MMRN2: variants seen among roughly 807,000 people sequenced by gnomAD.
MMRN2 encodes multimerin 2, also known as multimerin-2.
MMRN2 carries 53 observed loss-of-function variants against 68.8 expected under a neutral mutation model. The observed-to-expected ratio is 0.77, with a 90% CI of 0.62 to 0.97. MMRN2 has a LOEUF of 0.97. MMRN2 is among the 50% of genes least tolerant of loss of function. The pLI is 0.00. For synonymous variants in MMRN2, 564 were observed against 551.6 expected (o/e 1.02, Z -0.32); for missense variants, 1,266 against 1,259.5 (o/e 1.01, Z -0.08).
chr10:86,957,342 A>G (rs1844251362), intron 1 of MMRN2, 36 bp downstream of exon 1: 1 of 1,607,854 alleles, frequency 6.2e-7, no homozygotes, highest in South Asian at 1.1e-5. Context: ...CTCAGATCCT[A>G]CTCCATGACC....
rs2133672371 is a variant in MMRN2 at position 86,937,042 on chromosome 10, T to C, written c.2551A>G (p.Ile851Val). ...TGTTCAGGGAAGTAGCTGCTGCCAATGTTGATGTATGTGGTGTTGAACTTC... is the reference window on the plus strand; with the variant it reads ...TGTTCAGGGAAGTAGCTGCTGCCAACGTTGATGTATGTGGTGTTGAACTTC... Reference protein sequence around the residue: ...TVKFNTTYINIGSSYFPEHGY... With the variant: ...TVKFNTTYINVGSSYFPEHGY... Residue 851 changes from isoleucine to valine, a missense_variant, in exon 7 of 7, where the codon ATT becomes GTT. Transcript: ENST00000372027. 1.2e-6 allele frequency: 2 copies of C among 1,614,172 alleles called. No homozygotes were observed. The highest frequency in any genetic ancestry group is 1.7e-6 in the Non-Finnish European group (2 of 1,180,028).
chr10:86,946,758 T>C (rs1008686736), intron 1 of MMRN2, among the ~76,000 whole-genome samples: 3 of 152,178 alleles, frequency 2.0e-5, no homozygotes, highest in African/African-American at 7.2e-5. Flanking sequence ...CAGCACCTCT[T>C]GGGTGCCGGG....
chr10:86,943,466 G>A lies in MMRN2; in HGVS notation c.1318C>T (p.His440Tyr), dbSNP rs773511262. ...ERQVEELQVN[H>Y]TALRELRVIL... ...ACGCGCAGCTCACGGAGCGCCGTGT[G>A]GTTCACCTGCAGCTCCTCCACCTGC... The change falls in exon 6 of 7, where the codon CAC becomes TAC. Residue 440 changes from histidine to tyrosine, a missense_variant. By Grantham distance (83) the His-to-Tyr change is moderately conservative. Transcript: ENST00000372027. The surrounding 1 kb of genome is among the most constrained non-coding windows in gnomAD (Gnocchi z 4.2). 33 of 1,614,162 alleles carry A rather than the reference G, an allele frequency of 2.0e-5. No homozygotes were observed. In the South Asian group the frequency reaches 3.6e-4, roughly 18 times the overall value.
In MMRN2 at chr10:86,943,453, C is replaced by A. The variant is rs544108974; in HGVS notation, c.1331G>T (p.Arg444Leu). 3 of 1,614,102 alleles carry A rather than the reference C, an allele frequency of 1.9e-6. No homozygotes were observed. Among genetic ancestry groups the A allele is most frequent in the South Asian group, 1.1e-5 (1 of 91,084 alleles). The change falls in exon 6 of 7, where the codon CGT becomes CTT. Residue 444 changes from arginine (R) to leucine (L), a missense_variant. By Grantham distance (102) the Arg-to-Leu change is moderately radical (BLOSUM62 -2). Coordinates refer to ENST00000372027, the MANE Select transcript of MMRN2 (RefSeq NM_024756.3). The surrounding 1 kb of genome is among the most constrained non-coding windows in gnomAD (Gnocchi z 4.2). ...EELQVNHTAL[R>L]ELRVILMEKS... Reference sequence around the variant, plus strand: ...CTCCATCAGGATCACGCGCAGCTCACGGAGCGCCGTGTGGTTCACCTGCAG... The same window carrying A: ...CTCCATCAGGATCACGCGCAGCTCAAGGAGCGCCGTGTGGTTCACCTGCAG...
At chr10:86,957,315 C>T (rs1844250837) in intron 1 of MMRN2, 63 bp downstream of exon 1, 1 of 1,563,434 alleles carries the variant, frequency 6.4e-7, no homozygotes, top group South Asian at 1.1e-5. Context: ...AGAGGCTCTG[C>T]TCTAGCTGAG....
At chr10:86,938,909 T>C (rs1049443024) in intron 6 of MMRN2, among the ~76,000 whole-genome samples, 3 of 152,182 alleles carry the variant, frequency 2.0e-5, no homozygotes, top group African/African-American at 7.2e-5. Flanking sequence ...ACGCCTGTAA[T>C]CCCAGCACTT....
In MMRN2 at chr10:86,937,133, A is replaced by G. The variant is rs1166052935; in HGVS notation, c.2468-8T>C. 23 of 1,613,414 alleles carry G rather than the reference A, an allele frequency of 1.4e-5. No homozygotes were observed. The highest frequency in any genetic ancestry group is 2.7e-5 in the African/African-American group (2 of 75,050). The stretch of plus-strand genomic sequence containing the variant: ...AGAAGGCCACAGGGGATCCTGAAAC[A>G]TAACAGGACAGTGCTTAGTGATTCA... On this transcript the variant is annotated splice_region_variant and splice_polypyrimidine_tract_variant and intron_variant, in intron 6 of 6. Transcript: ENST00000372027.
At position 86,936,387 on chromosome 10, in the gene MMRN2, T is replaced by A; in HGVS notation, c.*356A>T. The A allele has an allele frequency of 2.2e-6, 1 of 451,422 alleles. No homozygotes were observed. The highest frequency in any genetic ancestry group is 3.9e-6 in the Non-Finnish European group (1 of 257,684). The allele number at this position is 451,422 out of a possible 1,614,324, so 28.0% of individuals were successfully genotyped here. A position where few individuals can be genotyped will look rare whatever the true frequency, so the allele number is the denominator to read the frequency against. ...GAGGAAGCAAGAGAAAAGTTTAAAG[T>A]GTTGTACAGAAGTTTCCAACCACAG... On this transcript the variant is annotated 3_prime_UTR_variant, in exon 7 of 7. Transcript: ENST00000372027.
Position 86,935,666 on chromosome 10 carries a change from A to C in MMRN2, c.*1077T>G, listed in dbSNP as rs1023336311. ...ACAAGAATTACGATGGTCCTAAGAT[A>C]CTGGAGGAAGTAAAAAAGTTGAAGG... On this transcript the variant is annotated 3_prime_UTR_variant, in exon 7 of 7. Coordinates refer to ENST00000372027, the MANE Select transcript of MMRN2 (RefSeq NM_024756.3). 6.6e-6 allele frequency: 1 copy of C among 152,180 alleles called. No individual in the cohort carries two copies. The highest frequency in any genetic ancestry group is 2.1e-4 in the South Asian group (1 of 4,826). 9.4% of individuals were successfully genotyped at this position (152,180 alleles called of 1,614,324 possible). A position where few individuals can be genotyped will look rare whatever the true frequency, so the allele number is the denominator to read the frequency against.
At chr10:86,945,309 G>A in intron 3 of MMRN2, 41 bp from the exon 4 acceptor site, 2 of 1,610,512 alleles carry the variant, frequency 1.2e-6, no homozygotes, top group Non-Finnish European at 1.7e-6. Flanking sequence ...AGTGGTCAGA[G>A]GAGCTGCTTG....
chr10:86,955,303 A>G (rs1219480779), intron 1 of MMRN2, among the ~76,000 whole-genome samples: 2 of 152,184 alleles, frequency 1.3e-5, no homozygotes, highest in African/African-American at 4.8e-5. Context: ...GCACAGAAAC[A>G]GCCTCTTCCT....
chr10:86,949,465 G>A (rs1253387169), intron 1 of MMRN2: 2 of 152,036 alleles, frequency 1.3e-5, no homozygotes, highest in African/African-American at 4.8e-5. Context: ...AAGTGACTGA[G>A]GTGGGAGAAC....
intron 1 of MMRN2, among the ~76,000 whole-genome samples, chr10:86,956,188 C>T (rs1264682328): frequency 6.6e-6 from 1 of 150,972 alleles, no homozygotes; most frequent in African/African-American, 2.4e-5. Flanking sequence ...ATCACCTGCA[C>T]CTCCCAGCCC....
At chr10:86,954,690 A>G (rs1298841015) in intron 1 of MMRN2, among the ~76,000 whole-genome samples, 1 of 152,142 alleles carries the variant, frequency 6.6e-6, no homozygotes, top group Non-Finnish European at 1.5e-5. Flanking sequence ...CTTGAGTCAG[A>G]AAAGGGCCTT....
intron 6 of MMRN2, among the ~76,000 whole-genome samples, chr10:86,940,174 C>G (rs960122057): frequency 1.3e-5 from 2 of 151,960 alleles, no homozygotes; most frequent in African/African-American, 4.8e-5. Flanking sequence ...CCACACCCGG[C>G]TAATTTTGTA....
intron 1 of MMRN2, 23 bp downstream of exon 1, chr10:86,957,355 T>A: frequency 6.2e-7 from 1 of 1,611,666 alleles, no homozygotes; most frequent in Non-Finnish European, 8.5e-7. Context: ...CCATGACCTC[T>A]GCCAAGGTCC....
intron 1 of MMRN2, among the ~76,000 whole-genome samples, chr10:86,954,998 G>A (rs1182687467): frequency 6.6e-6 from 1 of 152,008 alleles, no homozygotes; most frequent in African/African-American, 2.4e-5. Flanking sequence ...TTTGTGTAAG[G>A]GTCAGGAGAA....
intron 1 of MMRN2, among the ~76,000 whole-genome samples, chr10:86,953,456 G>T (rs142171272): frequency 1.3e-5 from 2 of 152,086 alleles, no homozygotes; most frequent in Admixed American, 6.5e-5. Context: ...TTCCTCTGCC[G>T]CGGCTCCAGC....
At chr10:86,950,625 C>G (rs1228761541) in intron 1 of MMRN2, among the ~76,000 whole-genome samples, 6 of 152,162 alleles carry the variant, frequency 3.9e-5, no homozygotes, top group Admixed American at 3.3e-4. Flanking sequence ...TGGAACACAC[C>G]TGGAGGCTCT....
Sources: allele counts gnomAD v4.1 joint callset (sites outside exome capture counted in the v4.1 genomes callset), GRCh38; gene constraint gnomAD v4.1.1; non-coding constraint Gnocchi (gnomAD v3.1); transcripts MANE v1.5; gene names NCBI Gene and HGNC (gene_info 2026-07-23, HGNC 2026-07-21).